CSMD2: variants seen among roughly 807,000 people sequenced by gnomAD.
CSMD2 encodes CUB and Sushi multiple domains 2, also known as CUB and sushi domain-containing protein 2.
A neutral mutation model predicts 398.5 loss-of-function variants in CSMD2; 130 were observed. The ratio of observed to expected loss-of-function variants is 0.33; its 90% CI spans 0.28 to 0.38. The LOEUF is 0.38. Ranked by LOEUF, CSMD2 falls within the 10% of genes least tolerant of loss-of-function variation. The probability of loss-of-function intolerance (pLI) is 1.00; values close to 1 mark genes in which losing one functional copy is unlikely to be tolerated. For missense variants in CSMD2, 3,829 were observed against 4,764.9 expected, an observed-to-expected ratio of 0.80 and a Z score of 5.78; for synonymous variants, 1,828 against 1,908.5, an observed-to-expected ratio of 0.96 and a Z score of 1.10.
chr1:33,790,705 T>C (rs947101155), intron 11 of CSMD2, among the ~76,000 whole-genome samples: 1 of 134,424 alleles, frequency 7.4e-6, no homozygotes, highest in African/African-American at 3.2e-5. Context: ...CTATCTATCA[T>C]CTATCTGTCT....
intron 36 of CSMD2, among the ~76,000 whole-genome samples, chr1:33,622,949 T>C (rs1021272028): frequency 6.6e-6 from 1 of 152,228 alleles, no homozygotes; most frequent in Non-Finnish European, 1.5e-5. Context: ...ACACAAAATA[T>C]GCTCTGTCCT....
intron 1 of CSMD2, among the ~76,000 whole-genome samples, chr1:34,096,082 C>T (rs1325531790): frequency 6.6e-6 from 1 of 151,800 alleles, no homozygotes; most frequent in Non-Finnish European, 1.5e-5. Context: ...GGGCTTCATC[C>T]CTGGGATGCA....
At chr1:33,722,877 G>T (rs1646403623) in intron 19 of CSMD2, among the ~76,000 whole-genome samples, 2 of 152,050 alleles carry the variant, frequency 1.3e-5, no homozygotes, top group African/African-American at 4.8e-5. Flanking sequence ...TGGAGTTTAT[G>T]TGATTAAATG....
chr1:33,996,235 C>G (rs912776908), intron 3 of CSMD2, among the ~76,000 whole-genome samples: 1 of 152,216 alleles, frequency 6.6e-6, no homozygotes, highest in Non-Finnish European at 1.5e-5. Flanking sequence ...GCTGGATCTG[C>G]CACACTTTCC....
At chr1:33,658,487 T>C (rs1337147260) in intron 26 of CSMD2, among the ~76,000 whole-genome samples, 1 of 152,258 alleles carries the variant, frequency 6.6e-6, no homozygotes, top group African/African-American at 2.4e-5. Flanking sequence ...AATACAAGCA[T>C]TGTTACATAA....
At chr1:33,844,944 G>T (rs1661210748) in intron 6 of CSMD2, among the ~76,000 whole-genome samples, 1 of 152,190 alleles carries the variant, frequency 6.6e-6, no homozygotes, top group African/African-American at 2.4e-5. Flanking sequence ...GTTCCCTGCT[G>T]CAGATTTGTA....
At chr1:33,876,647 C>G (rs565713873) in intron 5 of CSMD2, among the ~76,000 whole-genome samples, 51 of 152,316 alleles carry the variant, frequency 3.3e-4, no homozygotes, top group African/African-American at 1.2e-3. Flanking sequence ...CTTGAGGTCA[C>G]ACAGCTATCA....
chr1:33,972,043 T>C (rs1464384749), intron 3 of CSMD2, among the ~76,000 whole-genome samples: 1 of 152,072 alleles, frequency 6.6e-6, no homozygotes, highest in African/African-American at 2.4e-5. Context: ...TTGCTAACAT[T>C]CACGACAGCC....
intron 5 of CSMD2, chr1:33,862,343 C>CTCTGTGTGTG (rs542219181): frequency 8.8e-6 from 1 of 114,006 alleles, no homozygotes; most frequent in Non-Finnish European, 1.8e-5. Context: ...ATAAGCTACT[C>CTCTGTGTGTG]TGTGTGTGTG....
Position 33,559,568 on chromosome 1 carries a change from G to A in CSMD2, c.8381-95C>T, listed in dbSNP as rs1658359196. 1.6e-5 allele frequency: 18 copies of A among 1,126,884 alleles called. No individual in the cohort carries two copies. The South Asian group carries it at 2.4e-4, about 15-fold the overall frequency. 69.8% of individuals were successfully genotyped at this position (1,126,884 alleles called of 1,614,324 possible). On this transcript the variant is annotated intron_variant, in intron 53 of 70. Transcript: ENST00000373381. The surrounding 1 kb of genome is among the most constrained non-coding windows in gnomAD (Gnocchi z 4.0). The stretch of plus-strand genomic sequence containing the variant: ...ACCTGGCATCTCTTAGGCCATCAGT[G>A]AAGTTCAGCCCTAAGTCTAACTTCA...
At chr1:33,961,217 A>C (rs1645347772) in intron 3 of CSMD2, among the ~76,000 whole-genome samples, 1 of 152,226 alleles carries the variant, frequency 6.6e-6, no homozygotes, top group African/African-American at 2.4e-5. Context: ...GTGGGTGTCG[A>C]AGGCTTTGCA....
chr1:34,012,439 C>T (rs1172699085), intron 3 of CSMD2, among the ~76,000 whole-genome samples: 1 of 152,040 alleles, frequency 6.6e-6, no homozygotes, highest in Non-Finnish European at 1.5e-5. Context: ...TCTCTTTTAA[C>T]TTGTCTATTT....
In CSMD2 at chr1:33,530,791, G is replaced by A. The variant is rs1387831110; in HGVS notation, c.10171+2259C>T. 2.6e-5 allele frequency among the ~76,000 whole-genome samples: 4 copies of A among 152,170 alleles called. No homozygotes were observed. In the South Asian group the frequency reaches 6.2e-4, roughly 24 times the overall value. On this transcript the variant is annotated intron_variant, in intron 64 of 70. Transcript: ENST00000373381. The stretch of plus-strand genomic sequence containing the variant: ...AAAAGAAAGAAATTCTGCCATTTGT[G>A]ACCACAGGGATAACCTGGAGGACAT...
chr1:33,564,166 T>C (rs776933040), intron 53 of CSMD2, among the ~76,000 whole-genome samples: 1 of 152,204 alleles, frequency 6.6e-6, no homozygotes, highest in Non-Finnish European at 1.5e-5. Flanking sequence ...AACTATCTTA[T>C]GTGTATTAAT....
chr1:33,912,404 A>G (rs1643498633), intron 5 of CSMD2, among the ~76,000 whole-genome samples: 1 of 132,280 alleles, frequency 7.6e-6, no homozygotes, highest in African/African-American at 3.3e-5. Context: ...CGACCCCCGC[A>G]TCATACACCC....
chr1:33,874,836 T>C (rs930450079), intron 5 of CSMD2, among the ~76,000 whole-genome samples: 2 of 152,220 alleles, frequency 1.3e-5, no homozygotes, highest in Non-Finnish European at 2.9e-5. Context: ...GATGCGGCTC[T>C]GTATTTTTAA....
intron 5 of CSMD2, chr1:33,863,897 A>G (rs1473328407): frequency 1.2e-5 from 4 of 320,010 alleles, no homozygotes; most frequent in Non-Finnish European, 2.3e-5. Flanking sequence ...TGAATGAACC[A>G]TCATCTTTCA....
rs919628285 is a variant in CSMD2, at chr1:33,635,884, G to A, written c.4969+476C>T. On this transcript the variant is annotated intron_variant, in intron 30 of 70. Coordinates refer to ENST00000373381, the MANE Select transcript of CSMD2 (RefSeq NM_001281956.2). This position sits in a 1 kb window ranked among gnomAD's most constrained non-coding sequence, Gnocchi z 5.0. ...GGGGGTATGCTTGGCTTTTCAATGG[G>A]TGGTCACCAAGCTCTTAAAGCCCTG... Among the ~76,000 whole-genome samples the A allele has an allele frequency of 1.6e-4, 24 of 152,148 alleles. No homozygotes were observed. Among genetic ancestry groups the A allele is most frequent in the Admixed American group, 2.6e-4 (4 of 15,296 alleles).
At chr1:34,092,586 C>T (rs576547608) in intron 1 of CSMD2, among the ~76,000 whole-genome samples, 270 of 152,304 alleles carry the variant, frequency 1.8e-3, no homozygotes, top group African/African-American at 6.1e-3. Flanking sequence ...CGAGGCATTG[C>T]CTCACTCGGG....
Sources: allele counts gnomAD v4.1 joint callset (sites outside exome capture counted in the v4.1 genomes callset), GRCh38; gene constraint gnomAD v4.1.1; non-coding constraint Gnocchi (gnomAD v3.1); transcripts MANE v1.5; gene names NCBI Gene and HGNC (gene_info 2026-07-23, HGNC 2026-07-21).